Variants in ADGRB3 observed in about 807,000 individuals in gnomAD.
The protein encoded by ADGRB3 is adhesion G protein-coupled receptor B3.
Under a neutral mutation model 193.4 loss-of-function variants are expected in ADGRB3, and 37 were observed. The ratio of observed to expected loss-of-function variants is 0.19; its 90% CI spans 0.15 to 0.25. ADGRB3 has a LOEUF of 0.25. Ranked by LOEUF, ADGRB3 falls within the 10% of genes least tolerant of loss-of-function variation. The pLI, the probability that ADGRB3 is intolerant of heterozygous loss-of-function variation, is 1.00. For synonymous variants in ADGRB3, 690 were observed against 644.2 expected, an observed-to-expected ratio of 1.07 and a Z score of -1.08; for missense variants, 1,637 against 1,852.9, an observed-to-expected ratio of 0.88 and a Z score of 2.14.
intron 3 of ADGRB3, among the ~76,000 whole-genome samples, chr6:68,927,070 C>T (rs1767202225): frequency 6.6e-6 from 1 of 152,078 alleles, no homozygotes; most frequent in Non-Finnish European, 1.5e-5. Flanking sequence ...GGGTTTTATA[C>T]ATGAACATAG....
chr6:69,099,934 G>A (rs1772985891), intron 17 of ADGRB3, among the ~76,000 whole-genome samples: 2 of 152,142 alleles, frequency 1.3e-5, no homozygotes, highest in Non-Finnish European at 1.5e-5. Context: ...AATATTTGTG[G>A]CTCTTATATA....
chr6:68,979,493 G>A (rs1429575760), intron 10 of ADGRB3, among the ~76,000 whole-genome samples: 1 of 151,334 alleles, frequency 6.6e-6, no homozygotes, highest in Non-Finnish European at 1.5e-5. Flanking sequence ...TATCAATGTT[G>A]TTTTTTAAAA....
chr6:68,852,902 T>C (rs915324410), intron 3 of ADGRB3, among the ~76,000 whole-genome samples: 39 of 152,000 alleles, frequency 2.6e-4, no homozygotes, highest in African/African-American at 9.2e-4. Flanking sequence ...AATGAGTTAC[T>C]TCTTTAGACT....
At chr6:69,172,914 G>T (rs1478407278) in intron 17 of ADGRB3, among the ~76,000 whole-genome samples, 1 of 152,184 alleles carries the variant, frequency 6.6e-6, no homozygotes, top group Non-Finnish European at 1.5e-5. Context: ...ATGCTGGTAT[G>T]TCTGGAATAC....
intron 10 of ADGRB3, among the ~76,000 whole-genome samples, chr6:68,978,611 T>C (rs1278867811): frequency 7.9e-5 from 12 of 151,442 alleles, no homozygotes; most frequent in Admixed American, 7.9e-4. Flanking sequence ...AGAAATGAGA[T>C]CAACATTTCT....
intron 13 of ADGRB3, among the ~76,000 whole-genome samples, chr6:69,031,519 C>CTCTTTCTTTCTTTTCTTTCTTTCTTTCTT (rs1554248690): frequency 4.7e-5 from 1 of 21,270 alleles, no homozygotes; most frequent in African/African-American, 1.2e-4. Context: ...TTTGAGTTGT[C>CTCTTTCTTTCTTTTCTTTCTTTCTTTCTT]TCTTTCTTTC....
At chr6:69,233,856 T>C (rs747017801) in intron 18 of ADGRB3, among the ~76,000 whole-genome samples, 1 of 152,174 alleles carries the variant, frequency 6.6e-6, no homozygotes, top group Non-Finnish European at 1.5e-5. Flanking sequence ...TCTGGAAGTG[T>C]CCTTGGATGT....
chr6:68,708,882 C>G (rs1765366877), intron 3 of ADGRB3, among the ~76,000 whole-genome samples: 1 of 151,964 alleles, frequency 6.6e-6, no homozygotes, highest in Non-Finnish European at 1.5e-5. Context: ...ACACCTATTA[C>G]CAATCTGTAC....
chr6:68,724,813 T>C (rs1459796020), intron 3 of ADGRB3, among the ~76,000 whole-genome samples: 2 of 151,638 alleles, frequency 1.3e-5, no homozygotes, highest in East Asian at 3.9e-4. Context: ...CTTAAAGCGG[T>C]GTGTTGGGGC....
rs141190101 is a variant in ADGRB3, at chr6:69,320,736, T to C, written c.2815-4136T>C. ...ATTCTGATTTCTTCGTCAATATCTT[T>C]CTTTTTACTCTGATAGCTTTTAAGA... On this transcript the variant is annotated intron_variant, in intron 20 of 31. Coordinates refer to ENST00000370598, the MANE Select transcript of ADGRB3 (RefSeq NM_001704.3). 3.3e-3 allele frequency among the ~76,000 whole-genome samples: 501 copies of C among 151,752 alleles called. 4 individuals are homozygous for C. The highest frequency in any genetic ancestry group is 0.011 in the African/African-American group (462 of 41,510).
intron 3 of ADGRB3, among the ~76,000 whole-genome samples, chr6:68,734,031 G>A (rs1375716142): frequency 6.6e-6 from 1 of 151,790 alleles, no homozygotes; most frequent in Admixed American, 6.6e-5. Flanking sequence ...AAAATATATT[G>A]AAAGAACAAA....
chr6:69,157,600 GTA>G (rs1032308891), intron 17 of ADGRB3, among the ~76,000 whole-genome samples: 7 of 151,830 alleles, frequency 4.6e-5, no homozygotes, highest in African/African-American at 1.7e-4. Context: ...TGGGGAACAT[GTA>G]TGTGTGGCAG....
chr6:69,382,957 G>A, intron 31 of ADGRB3, 22 bp downstream of exon 31: 1 of 1,489,944 alleles, frequency 6.7e-7, no homozygotes. Flanking sequence ...TTGCTTCAAT[G>A]CCTGAGTAGA....
At chr6:68,689,951 A>G (rs992487337) in intron 3 of ADGRB3, among the ~76,000 whole-genome samples, 2 of 152,104 alleles carry the variant, frequency 1.3e-5, no homozygotes, top group African/African-American at 4.8e-5. Context: ...TGGTCATTAT[A>G]CTCACAACTC....
At chr6:69,089,349 T>C (rs1344032470) in intron 17 of ADGRB3, among the ~76,000 whole-genome samples, 1 of 152,192 alleles carries the variant, frequency 6.6e-6, no homozygotes, top group East Asian at 1.9e-4. Context: ...AAGAGTACTA[T>C]TTCAGATGTT....
rs567796805 is a variant in ADGRB3, at chr6:68,917,554, G to A, written c.758-13005G>A. ...TCCTGATTTCTGTTAGAATCTATGT[G>A]TATGTAGCTTAGGGTACTAATAACT... On this transcript the variant is annotated intron_variant, in intron 3 of 31. Coordinates refer to ENST00000370598, the MANE Select transcript of ADGRB3 (RefSeq NM_001704.3). Among the ~76,000 whole-genome samples, 239 of 152,180 alleles carry A rather than the reference G, an allele frequency of 1.6e-3. 1 individual carries two copies. The highest frequency in any genetic ancestry group is 5.5e-3 in the African/African-American group (230 of 41,526).
In ADGRB3 at chr6:69,296,910, G is replaced by A. The variant is rs977712172; in HGVS notation, c.2815-27962G>A. On this transcript the variant is annotated intron_variant, in intron 20 of 31. Coordinates refer to ENST00000370598, the MANE Select transcript of ADGRB3 (RefSeq NM_001704.3). ...GTATATTGCTTTTCTGCTTTTCTAG[G>A]AGGAAACTTGCTACTGCCTTTTAAA... Among the ~76,000 whole-genome samples, 5 of 152,124 alleles carry A rather than the reference G, an allele frequency of 3.3e-5. No individual in the cohort carries two copies. The South Asian group carries it at 6.2e-4, about 19-fold the overall frequency.
intron 3 of ADGRB3, among the ~76,000 whole-genome samples, chr6:68,862,685 AAAG>A (rs1639134381): frequency 6.6e-6 from 1 of 152,164 alleles, no homozygotes. Context: ...CTTTTAGTTT[AAAG>A]GTCTGATATA....
chr6:68,861,667 A>T (rs1284019605), intron 3 of ADGRB3, among the ~76,000 whole-genome samples: 1 of 152,216 alleles, frequency 6.6e-6, no homozygotes, highest in African/African-American at 2.4e-5. Flanking sequence ...TAGCAAAATT[A>T]ACTGCCTTCA....
Sources: gnomAD v4.1 joint callset for allele counts (sites outside exome capture counted in the v4.1 genomes callset) on GRCh38, gnomAD v4.1.1 for gene constraint, MANE v1.5 for transcripts, NCBI Gene and HGNC (gene_info 2026-07-23, HGNC 2026-07-21) for gene names.